CNTN3: variants seen among roughly 807,000 people sequenced by gnomAD.
The protein encoded by CNTN3 is contactin-3.
In CNTN3, 60 loss-of-function variants were observed where a neutral mutation model predicts 119.1. That is an observed-to-expected ratio of 0.50 (90% confidence interval 0.41 to 0.62). The LOEUF (loss-of-function observed/expected upper bound fraction) is 0.62, where lower values mean the gene tolerates loss of function less well. CNTN3 is among the 20% of genes least tolerant of loss of function. The probability of loss-of-function intolerance (pLI) is 0.00; values close to 1 mark genes in which losing one functional copy is unlikely to be tolerated. For missense variants in CNTN3, 1,101 were observed against 1,242.4 expected, an observed-to-expected ratio of 0.89 and a Z score of 1.71; for synonymous variants, 450 against 438.7, an observed-to-expected ratio of 1.03 and a Z score of -0.32.
At chr3:74,546,309 T>C (rs1191787912) in intron 1 of CNTN3, among the ~76,000 whole-genome samples, 2 of 152,168 alleles carry the variant, frequency 1.3e-5, no homozygotes, top group African/African-American at 4.8e-5. Context: ...TCTTGAACTT[T>C]TAAGCAACCA....
chr3:74,590,706 T>C (rs917941279), intron 1 of CNTN3, among the ~76,000 whole-genome samples: 1 of 152,064 alleles, frequency 6.6e-6, no homozygotes, highest in Admixed American at 6.6e-5. Context: ...TTTTCTGAGC[T>C]TACAAATAAT....
chr3:74,316,468 A>G (rs1348333857), intron 13 of CNTN3, among the ~76,000 whole-genome samples: 1 of 152,180 alleles, frequency 6.6e-6, no homozygotes, highest in Admixed American at 6.5e-5. Flanking sequence ...CATTTAACCC[A>G]GCAATCCCAT....
intron 5 of CNTN3, among the ~76,000 whole-genome samples, chr3:74,402,088 T>C (rs564866910): frequency 6.6e-6 from 1 of 152,310 alleles, no homozygotes; most frequent in African/African-American, 2.4e-5. Flanking sequence ...GCTTCAATTT[T>C]ACCATGTGGA....
intron 5 of CNTN3, among the ~76,000 whole-genome samples, chr3:74,417,060 C>T (rs1474499802): frequency 6.6e-6 from 1 of 151,754 alleles, no homozygotes; most frequent in African/African-American, 2.4e-5. Flanking sequence ...TTGGACAAAT[C>T]ACCTAACTGC....
At chr3:74,327,716 A>C (rs1703165684) in intron 13 of CNTN3, among the ~76,000 whole-genome samples, 1 of 152,110 alleles carries the variant, frequency 6.6e-6, no homozygotes, top group Admixed American at 6.5e-5. Flanking sequence ...GTGGAGGTGG[A>C]AAATTGATTT....
intron 4 of CNTN3, among the ~76,000 whole-genome samples, chr3:74,453,639 T>C (rs1702204881): frequency 6.6e-6 from 1 of 151,382 alleles, no homozygotes; most frequent in South Asian, 2.1e-4. Flanking sequence ...TCCTGCTTTC[T>C]CTTGTGGGCA....
At chr3:74,535,440 A>G (rs1379297255) in intron 1 of CNTN3, among the ~76,000 whole-genome samples, 1 of 152,132 alleles carries the variant, frequency 6.6e-6, no homozygotes, top group Non-Finnish European at 1.5e-5. Flanking sequence ...TACAAATAGC[A>G]ATGATTCACG....
chr3:74,551,735 GCTTCTT>G (rs1222577076), intron 1 of CNTN3, among the ~76,000 whole-genome samples: 28 of 129,630 alleles, frequency 2.2e-4, no homozygotes, highest in South Asian at 5.1e-4. Flanking sequence ...TCACAGATCT[GCTTCTT>G]CTTCTTCTTC....
chr3:74,521,213 G>C, intron 1 of CNTN3, 21 bp from the exon 2 acceptor site: 50 of 335,890 alleles, frequency 1.5e-4, no homozygotes, highest in East Asian at 1.6e-4. Flanking sequence ...TATGTACAAA[G>C]AAGTTCGTTA....
At chr3:74,484,383 C>A (rs1006951631) in intron 4 of CNTN3, among the ~76,000 whole-genome samples, 1 of 151,966 alleles carries the variant, frequency 6.6e-6, no homozygotes, top group Admixed American at 6.6e-5. Context: ...AAATATGAAT[C>A]AGGAACAGGA....
chr3:74,332,372 C>T (rs933569890), intron 13 of CNTN3, among the ~76,000 whole-genome samples: 3 of 152,090 alleles, frequency 2.0e-5, no homozygotes, highest in Non-Finnish European at 4.4e-5. Flanking sequence ...ACTAATGGCA[C>T]AAAAAATTCT....
chr3:74,548,075 A>G (rs1361743584), intron 1 of CNTN3, among the ~76,000 whole-genome samples: 5 of 152,162 alleles, frequency 3.3e-5, no homozygotes, highest in African/African-American at 1.2e-4. Context: ...TTGAAACACT[A>G]TCTTTGGTAT....
At chr3:74,363,230 C>T (rs1704116267) in intron 10 of CNTN3, among the ~76,000 whole-genome samples, 1 of 152,182 alleles carries the variant, frequency 6.6e-6, no homozygotes, top group South Asian at 2.1e-4. Context: ...TCCCTCCAGG[C>T]ATCATTCCTC....
At chr3:74,395,567 C>T (rs908968088) in intron 5 of CNTN3, among the ~76,000 whole-genome samples, 2 of 152,152 alleles carry the variant, frequency 1.3e-5, no homozygotes, top group Non-Finnish European at 2.9e-5. Context: ...TTAGTCAACT[C>T]TGAAAAAGTT....
Position 74,521,138 on chromosome 3 carries a change from C to T in CNTN3, c.-26G>A. Reference sequence around the variant, plus strand: ...CTTTAATTGCCAAATGCAAGAGTAACTCTTGTCCAGTCTCTGATGAATAGA... The same window carrying T: ...CTTTAATTGCCAAATGCAAGAGTAATTCTTGTCCAGTCTCTGATGAATAGA... On this transcript the variant is annotated 5_prime_UTR_variant, in exon 2 of 23. Transcript: ENST00000263665. 1 of 1,514,078 alleles carries T rather than the reference C, an allele frequency of 6.6e-7. No homozygotes were observed. Among genetic ancestry groups the T allele is most frequent in the Non-Finnish European group, 9.1e-7 (1 of 1,100,498 alleles). 93.8% of individuals were successfully genotyped at this position (1,514,078 alleles called of 1,614,324 possible).
intron 4 of CNTN3, among the ~76,000 whole-genome samples, chr3:74,477,197 C>T (rs1702672748): frequency 6.6e-6 from 1 of 152,238 alleles, no homozygotes; most frequent in African/African-American, 2.4e-5. Context: ...ATTTTATTAT[C>T]CTGTCTGTAC....
intron 2 of CNTN3, among the ~76,000 whole-genome samples, chr3:74,502,383 C>T (rs7426509): frequency 0.19 from 28,423 of 151,996 alleles, 2,938 homozygotes; most frequent in East Asian, 0.36. Context: ...ATGTCCCAAA[C>T]GATGCTACAT....
At chr3:74,400,312 G>C (rs1027693019) in intron 5 of CNTN3, among the ~76,000 whole-genome samples, 1 of 152,080 alleles carries the variant, frequency 6.6e-6, no homozygotes, top group Non-Finnish European at 1.5e-5. Flanking sequence ...CCATTTAACA[G>C]ATGGGAACAC....
At chr3:74,535,635 C>T (rs1020324130) in intron 1 of CNTN3, among the ~76,000 whole-genome samples, 2 of 152,194 alleles carry the variant, frequency 1.3e-5, no homozygotes, top group African/African-American at 4.8e-5. Context: ...CAATGCGATA[C>T]AATGCGAGCC....
Sources: gnomAD v4.1 joint callset for allele counts (sites outside exome capture counted in the v4.1 genomes callset) on GRCh38, gnomAD v4.1.1 for gene constraint, MANE v1.5 for transcripts, NCBI Gene and HGNC (gene_info 2026-07-23, HGNC 2026-07-21) for gene names.